TCF12: variants seen among roughly 807,000 people sequenced by gnomAD.
The protein encoded by TCF12 is transcription factor 12.
A neutral mutation model predicts 86.0 loss-of-function variants in TCF12; 45 were observed. The observed-to-expected ratio is 0.52, with a 90% confidence interval of 0.41 to 0.67. The LOEUF (loss-of-function observed/expected upper bound fraction) is 0.67, where lower values mean the gene tolerates loss of function less well. Ranked by LOEUF, TCF12 falls within the 30% of genes least tolerant of loss-of-function variation. The probability of loss-of-function intolerance (pLI) is 0.00; values close to 1 mark genes in which losing one functional copy is unlikely to be tolerated. For synonymous variants in TCF12, 330 were observed against 299.6 expected, an observed-to-expected ratio of 1.10 and a Z score of -1.05; for missense variants, 881 against 859.9, an observed-to-expected ratio of 1.02 and a Z score of -0.31.
intron 3 of TCF12, among the ~76,000 whole-genome samples, chr15:56,965,329 A>G (rs1160293997): frequency 6.6e-6 from 1 of 152,112 alleles, no homozygotes; most frequent in Non-Finnish European, 1.5e-5. Flanking sequence ...ATTTTGATTT[A>G]TTAGAAAATA....
intron 18 of TCF12, among the ~76,000 whole-genome samples, chr15:57,269,122 G>T (rs1187001149): frequency 6.6e-6 from 1 of 151,880 alleles, no homozygotes; most frequent in Non-Finnish European, 1.5e-5. Flanking sequence ...TTGACAGTGG[G>T]GTGTTAAAGT....
intron 16 of TCF12, among the ~76,000 whole-genome samples, chr15:57,259,702 TC>T (rs1210433159): frequency 6.6e-6 from 1 of 152,220 alleles, no homozygotes; most frequent in Non-Finnish European, 1.5e-5. Context: ...GCCCTGCTAC[TC>T]CCCTAACAGC....
At chr15:57,061,626 A>G (rs2068461850) in intron 3 of TCF12, among the ~76,000 whole-genome samples, 1 of 152,184 alleles carries the variant, frequency 6.6e-6, no homozygotes, top group African/African-American at 2.4e-5. Context: ...AAATTAAAAT[A>G]CACATAAGCC....
At chr15:57,281,913 C>A in intron 19 of TCF12, 1 of 170,512 alleles carries the variant, frequency 5.9e-6, no homozygotes, top group Non-Finnish European at 1.3e-5. Context: ...CCCCCAGCCC[C>A]CCGCACCCAG....
At chr15:57,044,401 A>T (rs1317830916) in intron 3 of TCF12, among the ~76,000 whole-genome samples, 6 of 152,168 alleles carry the variant, frequency 3.9e-5, no homozygotes, top group Non-Finnish European at 8.8e-5. Context: ...GTCTCTTAAA[A>T]AAAAAATTTA....
intron 5 of TCF12, among the ~76,000 whole-genome samples, chr15:57,164,715 C>G (rs1344775817): frequency 1.3e-5 from 2 of 152,156 alleles, no homozygotes; most frequent in Non-Finnish European, 2.9e-5. Context: ...GAGTCTCACC[C>G]TGTCACCCAG....
intron 5 of TCF12, among the ~76,000 whole-genome samples, chr15:57,128,341 A>C (rs2051834490): frequency 6.6e-6 from 1 of 152,198 alleles, no homozygotes; most frequent in Admixed American, 6.5e-5. Flanking sequence ...CAAAGGAAAA[A>C]GGAGGTCCCA....
intron 3 of TCF12, among the ~76,000 whole-genome samples, chr15:57,042,582 T>G (rs2066968616): frequency 6.6e-6 from 1 of 152,024 alleles, no homozygotes; most frequent in Non-Finnish European, 1.5e-5. Context: ...CCTGGCTAAT[T>G]TTTAATTTTT....
chr15:57,020,197 CAT>C (rs1164711246), intron 3 of TCF12, among the ~76,000 whole-genome samples: 2 of 152,166 alleles, frequency 1.3e-5, no homozygotes, highest in Admixed American at 6.5e-5. Context: ...AAATCTAGGA[CAT>C]GTGTGCCTTA....
chr15:57,052,624 G>A (rs1375002146), intron 3 of TCF12, among the ~76,000 whole-genome samples: 10 of 133,346 alleles, frequency 7.5e-5, no homozygotes, highest in East Asian at 2.1e-4. Flanking sequence ...GTGACAGAGC[G>A]AGACTCCATC....
intron 13 of TCF12, among the ~76,000 whole-genome samples, chr15:57,250,664 G>C (rs1396241860): frequency 6.6e-6 from 1 of 152,194 alleles, no homozygotes; most frequent in East Asian, 1.9e-4. Context: ...GGGAGGTAGA[G>C]GTTGCAGTGA....
intron 3 of TCF12, among the ~76,000 whole-genome samples, chr15:57,015,788 G>A (rs947543319): frequency 2.0e-5 from 3 of 152,148 alleles, no homozygotes; most frequent in Admixed American, 1.3e-4. Context: ...AAGTACTGTG[G>A]GCTTGTGCCC....
chr15:57,121,136 G>C (rs1410035349), intron 5 of TCF12, among the ~76,000 whole-genome samples: 1 of 152,190 alleles, frequency 6.6e-6, no homozygotes, highest in East Asian at 1.9e-4. Flanking sequence ...ATACATTCCA[G>C]AGGCTATATA....
At chr15:57,167,737 T>C (rs1339893699) in intron 6 of TCF12, among the ~76,000 whole-genome samples, 1 of 151,992 alleles carries the variant, frequency 6.6e-6, no homozygotes, top group African/African-American at 2.4e-5. Flanking sequence ...GATTTGGGGG[T>C]AGTTACTGGA....
At chr15:57,049,770 T>C (rs940323927) in intron 3 of TCF12, among the ~76,000 whole-genome samples, 1 of 152,336 alleles carries the variant, frequency 6.6e-6, no homozygotes, top group Non-Finnish European at 1.5e-5. Context: ...TCTGAAAAAT[T>C]GCTTGTTTCC....
At chr15:57,022,630 T>A (rs1390946739) in intron 3 of TCF12, among the ~76,000 whole-genome samples, 2 of 152,192 alleles carry the variant, frequency 1.3e-5, no homozygotes, top group African/African-American at 4.8e-5. Context: ...TAGATCCTTG[T>A]GGAATCGCCA....
chr15:57,030,958 C>T (rs1402571676), intron 3 of TCF12, among the ~76,000 whole-genome samples: 1 of 152,214 alleles, frequency 6.6e-6, no homozygotes, highest in African/African-American at 2.4e-5. Flanking sequence ...AACCAATTGC[C>T]TATCTCAAGG....
At chr15:57,078,195 T>C (rs1458160219) in intron 4 of TCF12, among the ~76,000 whole-genome samples, 8 of 152,236 alleles carry the variant, frequency 5.3e-5, no homozygotes, top group Non-Finnish European at 1.0e-4. Flanking sequence ...CCTAACAGTA[T>C]TTGTTCTGCT....
At chr15:57,177,608 C>CAGAAAGAG (rs2056022870) in intron 6 of TCF12, among the ~76,000 whole-genome samples, 1 of 122,962 alleles carries the variant, frequency 8.1e-6, no homozygotes, top group Non-Finnish European at 1.7e-5. Flanking sequence ...GTTAAAAGGC[C>CAGAAAGAG]AGAGAGAGAG....
Sources: gnomAD v4.1 joint callset for allele counts (sites outside exome capture counted in the v4.1 genomes callset) on GRCh38, gnomAD v4.1.1 for gene constraint, MANE v1.5 for transcripts, NCBI Gene and HGNC (gene_info 2026-07-23, HGNC 2026-07-21) for gene names.